EXT2: variants seen among roughly 807,000 people sequenced by gnomAD.
EXT2 encodes exostosin-2.
Under a neutral mutation model 81.6 loss-of-function variants are expected in EXT2, and 53 were observed. That is an observed-to-expected ratio of 0.65 (90% CI 0.52 to 0.82). EXT2 has a LOEUF of 0.82. Among genes scored for constraint, EXT2 ranks in the 40% least tolerant of loss-of-function variants. The pLI is 0.00. For synonymous variants in EXT2, 320 were observed against 340.0 expected (o/e 0.94, Z 0.65); for missense variants, 774 against 910.2 (o/e 0.85, Z 1.93).
At chr11:44,238,496 G>A (rs1955996528) in intron 13 of EXT2, among the ~76,000 whole-genome samples, 1 of 152,192 alleles carries the variant, frequency 6.6e-6, no homozygotes, top group Non-Finnish European at 1.5e-5. Flanking sequence ...AGGATGTATA[G>A]TTAGGAGGAG....
intron 5 of EXT2, among the ~76,000 whole-genome samples, chr11:44,125,847 G>C (rs762048677): frequency 6.6e-6 from 1 of 152,174 alleles, no homozygotes; most frequent in Non-Finnish European, 1.5e-5. Flanking sequence ...ATCAGCACGT[G>C]TGTCCACATC....
intron 8 of EXT2, among the ~76,000 whole-genome samples, chr11:44,173,528 A>G (rs1955107035): frequency 7.5e-6 from 1 of 133,954 alleles, no homozygotes; most frequent in Admixed American, 7.3e-5. Context: ...ATTGATAGGT[A>G]TTTAGACTGC....
At chr11:44,203,572 G>A (rs1195321425) in intron 9 of EXT2, among the ~76,000 whole-genome samples, 1 of 152,200 alleles carries the variant, frequency 6.6e-6, no homozygotes, top group Non-Finnish European at 1.5e-5. Flanking sequence ...TTGTGGCTGA[G>A]TTGCTGGTGG....
At chr11:44,129,022 C>T (rs7927847) in intron 6 of EXT2, among the ~76,000 whole-genome samples, 138,284 of 152,242 alleles carry the variant, frequency 0.91, 62,927 homozygotes, top group East Asian at 0.99. Flanking sequence ...CAAACTCTGC[C>T]AAATGTCGTG....
At chr11:44,175,397 T>C (rs1473596955) in intron 8 of EXT2, among the ~76,000 whole-genome samples, 2 of 151,994 alleles carry the variant, frequency 1.3e-5, no homozygotes, top group African/African-American at 4.8e-5. Context: ...TTTTCTTTTT[T>C]TTTTTTCCTG....
At chr11:44,237,602 A>G (rs1414975404) in intron 13 of EXT2, among the ~76,000 whole-genome samples, 1 of 152,148 alleles carries the variant, frequency 6.6e-6, no homozygotes, top group Non-Finnish European at 1.5e-5. Flanking sequence ...TCATAACAGT[A>G]AGCTAAGTGG....
At chr11:44,105,207 A>C (rs1954037729) in intron 1 of EXT2, among the ~76,000 whole-genome samples, 1 of 152,242 alleles carries the variant, frequency 6.6e-6, no homozygotes, top group Admixed American at 6.5e-5. Context: ...AAGATGGTCT[A>C]TGAGCTTTTC....
chr11:44,209,970 A>G (rs1298466633), intron 10 of EXT2, among the ~76,000 whole-genome samples: 1 of 152,260 alleles, frequency 6.6e-6, no homozygotes, highest in Non-Finnish European at 1.5e-5. Context: ...TGATGAATGA[A>G]TAAATCTCCC....
chr11:44,167,790 T>G (rs1028281962), intron 7 of EXT2, among the ~76,000 whole-genome samples: 11 of 152,184 alleles, frequency 7.2e-5, no homozygotes, highest in African/African-American at 2.7e-4. Flanking sequence ...TTCAAGAAAG[T>G]AGAAGAAAAG....
intron 7 of EXT2, among the ~76,000 whole-genome samples, chr11:44,135,415 A>G (rs1005811096): frequency 2.8e-5 from 4 of 144,784 alleles, no homozygotes; most frequent in Non-Finnish European, 6.0e-5. Context: ...TTTTTGAGAC[A>G]GAGGCTCGTT....
At chr11:44,178,617 A>T (rs1423834482) in intron 8 of EXT2, among the ~76,000 whole-genome samples, 1 of 152,196 alleles carries the variant, frequency 6.6e-6, no homozygotes, top group East Asian at 1.9e-4. Flanking sequence ...CTGAAGAAGC[A>T]CTAGCTCGGA....
At position 44,171,932 on chromosome 11, in the gene EXT2, G is replaced by A. The variant is rs370547602; in HGVS notation, c.1305+190G>A. 7.0e-5 allele frequency: 53 copies of A among 759,550 alleles called. No homozygotes were observed. In the African/African-American group the frequency reaches 9.2e-4, roughly 13 times the overall value. The allele number at this position is 759,550 out of a possible 1,614,324, so 47.1% of individuals were successfully genotyped here. On this transcript the variant is annotated intron_variant, in intron 8 of 13. Coordinates refer to ENST00000533608, the MANE Select transcript of EXT2 (RefSeq NM_207122.2). ...ACTGACAAAAGTAAAAAATACGGAAGCAGCAGCTTCCAGTGTGTTTTAAGT... is the reference window on the plus strand; with the variant it reads ...ACTGACAAAAGTAAAAAATACGGAAACAGCAGCTTCCAGTGTGTTTTAAGT...
intron 10 of EXT2, among the ~76,000 whole-genome samples, chr11:44,211,485 A>G (rs1171188949): frequency 2.6e-5 from 4 of 152,234 alleles, no homozygotes; most frequent in South Asian, 2.1e-4. Flanking sequence ...GACAACGTGG[A>G]TGAATCTAGA....
At chr11:44,099,860 C>A (rs1953957143) in intron 1 of EXT2, among the ~76,000 whole-genome samples, 1 of 152,112 alleles carries the variant, frequency 6.6e-6, no homozygotes, top group South Asian at 2.1e-4. Context: ...TTTTCTCATT[C>A]TTTCCCTCTC....
chr11:44,180,221 TTTTAC>T (rs1347154796), intron 8 of EXT2, among the ~76,000 whole-genome samples: 21 of 152,332 alleles, frequency 1.4e-4, no homozygotes, highest in Non-Finnish European at 2.9e-4. Flanking sequence ...AGAAACCTCT[TTTTAC>T]TTCAAGTTAG....
intron 8 of EXT2, among the ~76,000 whole-genome samples, chr11:44,174,569 T>C (rs4755231): frequency 0.58 from 87,704 of 151,922 alleles, 25,720 homozygotes; most frequent in Middle Eastern, 0.72. Context: ...ACATTTTGAC[T>C]TTTGTAAATT....
At chr11:44,118,123 A>G (rs566064362) in intron 4 of EXT2, among the ~76,000 whole-genome samples, 6 of 152,368 alleles carry the variant, frequency 3.9e-5, no homozygotes, top group Admixed American at 3.3e-4. Flanking sequence ...AAATATAAGC[A>G]CATCTACAAA....
intron 6 of EXT2, 35 bp downstream of exon 6, chr11:44,126,990 G>T: frequency 6.2e-7 from 1 of 1,612,866 alleles, no homozygotes; most frequent in South Asian, 1.1e-5. Context: ...CTACATTAGT[G>T]GTTCTGCGTA....
intron 9 of EXT2, 144 bp from the exon 10 acceptor site, chr11:44,206,649 C>G: frequency 1.3e-6 from 1 of 779,726 alleles, no homozygotes; most frequent in Non-Finnish European, 2.1e-6. Flanking sequence ...GTGAGAATCT[C>G]CCCTGACACA....
Sources: gnomAD v4.1 joint callset for allele counts (sites outside exome capture counted in the v4.1 genomes callset) on GRCh38, gnomAD v4.1.1 for gene constraint, MANE v1.5 for transcripts, NCBI Gene and HGNC (gene_info 2026-07-23, HGNC 2026-07-21) for gene names.